The following POU6F2 variants were observed in gnomAD, a reference collection of about 807,000 sequenced individuals.
The protein encoded by POU6F2 is POU class 6 homeobox 2, also known as POU domain, class 6, transcription factor 2.
Under a neutral mutation model 71.3 loss-of-function variants are expected in POU6F2, and 31 were observed. The observed-to-expected ratio is 0.43, with a 90% CI of 0.33 to 0.59. The LOEUF is 0.59. Among genes scored for constraint, POU6F2 ranks in the 20% least tolerant of loss-of-function variants. The pLI, the probability that POU6F2 is intolerant of heterozygous loss-of-function variation, is 0.04. For synonymous variants in POU6F2, 347 were observed against 355.7 expected (o/e 0.98, Z 0.27); for missense variants, 783 against 856.8 (o/e 0.91, Z 1.07).
chr7:39,059,244 A>G (rs370418542), intron 1 of POU6F2, among the ~76,000 whole-genome samples: 1 of 152,246 alleles, frequency 6.6e-6, no homozygotes, highest in African/African-American at 2.4e-5. Flanking sequence ...ATGTTTAGAG[A>G]TAAGATAATT....
intron 1 of POU6F2, among the ~76,000 whole-genome samples, chr7:39,060,076 C>T (rs1584522250): frequency 6.6e-6 from 1 of 152,034 alleles, no homozygotes; most frequent in South Asian, 2.1e-4. Flanking sequence ...GGCGCGGTGG[C>T]GGGTGCCTGT....
intron 4 of POU6F2, among the ~76,000 whole-genome samples, chr7:39,238,405 C>A (rs781610330): frequency 6.6e-6 from 1 of 152,068 alleles, no homozygotes; most frequent in Non-Finnish European, 1.5e-5. Flanking sequence ...TTCAGTCTGC[C>A]GGCGGAATCT....
chr7:39,182,802 T>G (rs370721704), intron 2 of POU6F2, among the ~76,000 whole-genome samples: 1 of 152,202 alleles, frequency 6.6e-6, no homozygotes, highest in South Asian at 2.1e-4. Context: ...TTGTTGATTG[T>G]CCCTGAGTCT....
At chr7:39,417,950 T>A (rs1787718797) in intron 6 of POU6F2, among the ~76,000 whole-genome samples, 1 of 152,256 alleles carries the variant, frequency 6.6e-6, no homozygotes, top group Admixed American at 6.5e-5. Context: ...TAAATTAATA[T>A]GTTGCTGCCA....
At chr7:39,372,358 G>A (rs1786631722) in intron 5 of POU6F2, among the ~76,000 whole-genome samples, 1 of 152,176 alleles carries the variant, frequency 6.6e-6, no homozygotes, top group African/African-American at 2.4e-5. Flanking sequence ...GAATTCTTTT[G>A]GGGGACATGT....
intron 7 of POU6F2, among the ~76,000 whole-genome samples, chr7:39,443,002 T>C (rs1192057449): frequency 6.6e-6 from 1 of 152,118 alleles, no homozygotes; most frequent in Admixed American, 6.5e-5. Context: ...GCAGGAATGG[T>C]GCCACTCCTA....
At chr7:39,031,954 G>T (rs371633676) in intron 1 of POU6F2, among the ~76,000 whole-genome samples, 82 of 152,220 alleles carry the variant, frequency 5.4e-4, no homozygotes, top group African/African-American at 1.9e-3. Context: ...CTGACTTGGA[G>T]AAATTTGAAT....
At chr7:39,215,155 G>A (rs1044720593) in intron 4 of POU6F2, among the ~76,000 whole-genome samples, 2 of 152,080 alleles carry the variant, frequency 1.3e-5, no homozygotes, top group African/African-American at 4.8e-5. Flanking sequence ...GACCAGCCTG[G>A]CCAACATGGC....
At chr7:39,371,206 G>A (rs1276011422) in intron 5 of POU6F2, among the ~76,000 whole-genome samples, 10 of 150,824 alleles carry the variant, frequency 6.6e-5, no homozygotes, top group South Asian at 6.3e-4. Flanking sequence ...TGAGACAAGA[G>A]TCTCGCTTTG....
intron 2 of POU6F2, among the ~76,000 whole-genome samples, chr7:39,157,226 T>A (rs1490756436): frequency 1.3e-5 from 2 of 152,212 alleles, no homozygotes; most frequent in Non-Finnish European, 2.9e-5. Context: ...TTGCATGAGA[T>A]GCTTATTGTT....
chr7:39,384,902 C>T (rs1338028727), intron 5 of POU6F2, among the ~76,000 whole-genome samples: 1 of 152,154 alleles, frequency 6.6e-6, no homozygotes, highest in Non-Finnish European at 1.5e-5. Context: ...GCTTTGTGTC[C>T]TCTAAATAAA....
chr7:39,013,779 G>A (rs1421515380), intron 1 of POU6F2, among the ~76,000 whole-genome samples: 1 of 151,536 alleles, frequency 6.6e-6, no homozygotes, highest in African/African-American at 2.4e-5. Flanking sequence ...GCTGCTGTAA[G>A]TCAATGAGTG....
At chr7:39,170,246 T>G (rs1793193302) in intron 2 of POU6F2, among the ~76,000 whole-genome samples, 1 of 152,242 alleles carries the variant, frequency 6.6e-6, no homozygotes, top group Admixed American at 6.5e-5. Context: ...TACTATACTT[T>G]CTTAACTTTG....
At chr7:39,226,443 A>G (rs972360696) in intron 4 of POU6F2, among the ~76,000 whole-genome samples, 3 of 152,200 alleles carry the variant, frequency 2.0e-5, no homozygotes, top group Non-Finnish European at 4.4e-5. Flanking sequence ...AGGTTATTAG[A>G]AGAACATCAA....
chr7:39,076,945 C>CT (rs1791015643), intron 1 of POU6F2, among the ~76,000 whole-genome samples: 1 of 152,082 alleles, frequency 6.6e-6, no homozygotes, highest in Non-Finnish European at 1.5e-5. Context: ...AAAGTAAGCT[C>CT]TTTTTAGGAC....
chr7:39,200,581 G>A (rs1193151983), intron 2 of POU6F2, among the ~76,000 whole-genome samples: 6 of 152,164 alleles, frequency 3.9e-5, no homozygotes, highest in African/African-American at 7.2e-5. Context: ...TAGAGTCAGC[G>A]CACAGTGGCC....
intron 4 of POU6F2, among the ~76,000 whole-genome samples, chr7:39,335,989 T>A (rs1287252924): frequency 6.6e-6 from 1 of 152,218 alleles, no homozygotes; most frequent in Non-Finnish European, 1.5e-5. Context: ...GTGGCTGCCC[T>A]GACCCCTCAG....
At chr7:39,185,805 ATATG>A (rs1157051964) in intron 2 of POU6F2, among the ~76,000 whole-genome samples, 662 of 22,044 alleles carry the variant, frequency 0.03, 4 homozygotes, top group African/African-American at 0.22. Context: ...ATACATATAT[ATATG>A]TATATGTATA....
chr7:39,095,834 C>A (rs565350440), intron 2 of POU6F2, among the ~76,000 whole-genome samples: 9 of 152,240 alleles, frequency 5.9e-5, no homozygotes, highest in African/African-American at 1.2e-4. Context: ...GCCGAAGATT[C>A]TTAGATAAAA....
Sources: gnomAD v4.1 joint callset for allele counts (sites outside exome capture counted in the v4.1 genomes callset) on GRCh38, gnomAD v4.1.1 for gene constraint, MANE v1.5 for transcripts, NCBI Gene and HGNC (gene_info 2026-07-23, HGNC 2026-07-21) for gene names.